RMST: variants seen among roughly 807,000 people sequenced by gnomAD.
RMST encodes long intergenic non-protein coding RNA 54.
chr12:97,478,650 G>T (rs1874844196), intron 5 of RMST, among the ~76,000 whole-genome samples: 1 of 152,124 alleles, frequency 6.6e-6, no homozygotes, highest in Non-Finnish European at 1.5e-5. Context: ...TTCATAGTGT[G>T]CCCATACACC....
chr12:97,542,283 T>A (rs1882600686), intron 11 of RMST, among the ~76,000 whole-genome samples: 1 of 151,866 alleles, frequency 6.6e-6, no homozygotes, highest in Non-Finnish European at 1.5e-5. Flanking sequence ...AGAACTACTC[T>A]ATTATCATTA....
At chr12:97,494,047 G>A (rs1047008037) in intron 8 of RMST, 1 of 152,148 alleles carries the variant, frequency 6.6e-6, no homozygotes, top group Non-Finnish European at 1.5e-5. Flanking sequence ...AGAAAATGTT[G>A]TATGCTAATG....
At chr12:97,501,842 G>A (rs1592500) in intron 10 of RMST, among the ~76,000 whole-genome samples, 87,921 of 152,114 alleles carry the variant, frequency 0.58, 26,819 homozygotes, top group Non-Finnish European at 0.7. Context: ...AATAGATGAC[G>A]CAAAAGTTGC....
intron 11 of RMST, among the ~76,000 whole-genome samples, chr12:97,540,206 C>G (rs1882395306): frequency 6.6e-6 from 1 of 151,604 alleles, no homozygotes; most frequent in African/African-American, 2.4e-5. Context: ...GTGGTGTGCA[C>G]ACAGTAGGGA....
At chr12:97,564,136 G>T in intron 13 of RMST, 1 of 302,984 alleles carries the variant, frequency 3.3e-6, no homozygotes, top group South Asian at 3.1e-5. Context: ...ATTTTTCTCC[G>T]TTTTCTATTA....
At chr12:97,512,847 G>A (rs972278447) in intron 10 of RMST, among the ~76,000 whole-genome samples, 3 of 151,854 alleles carry the variant, frequency 2.0e-5, no homozygotes, top group African/African-American at 4.8e-5. Context: ...GCGGCGTGTC[G>A]GGGAGGCTCC....
intron 10 of RMST, among the ~76,000 whole-genome samples, chr12:97,515,688 G>T (rs1879852970): frequency 6.6e-6 from 1 of 151,996 alleles, no homozygotes; most frequent in African/African-American, 2.4e-5. Flanking sequence ...TTGTGCCATA[G>T]AACTTATGTA....
intron 8 of RMST, chr12:97,494,018 T>C (rs1877137523): frequency 6.6e-6 from 1 of 152,226 alleles, no homozygotes; most frequent in African/African-American, 2.4e-5. Flanking sequence ...AGATTTATTG[T>C]GAATTGGCTT....
intron 11 of RMST, among the ~76,000 whole-genome samples, chr12:97,551,561 T>C (rs1883314130): frequency 6.6e-6 from 1 of 152,210 alleles, no homozygotes; most frequent in Non-Finnish European, 1.5e-5. Flanking sequence ...GTATTCTGTT[T>C]GGCTTTCAAG....
intron 5 of RMST, among the ~76,000 whole-genome samples, chr12:97,478,137 T>G (rs1057131673): frequency 1.3e-5 from 2 of 152,220 alleles, no homozygotes; most frequent in Admixed American, 6.5e-5. Flanking sequence ...GGTATTGGGC[T>G]TTGAAAGGGA....
intron 11 of RMST, among the ~76,000 whole-genome samples, chr12:97,541,757 T>G (rs1882556460): frequency 6.6e-6 from 1 of 151,420 alleles, no homozygotes; most frequent in African/African-American, 2.4e-5. Context: ...AGAAGATTCT[T>G]CCTTTCCTTT....
intron 5 of RMST, among the ~76,000 whole-genome samples, chr12:97,484,188 C>A (rs961829982): frequency 6.6e-5 from 10 of 152,096 alleles, no homozygotes; most frequent in Non-Finnish European, 1.3e-4. Flanking sequence ...TCAGTTCTTA[C>A]AGTGATATAT....
At chr12:97,489,145 A>T (rs1876470178) in intron 5 of RMST, among the ~76,000 whole-genome samples, 1 of 152,188 alleles carries the variant, frequency 6.6e-6, no homozygotes, top group Admixed American at 6.6e-5. Context: ...ACCTTGCTGT[A>T]TAGGAAAAGC....
intron 5 of RMST, among the ~76,000 whole-genome samples, chr12:97,471,970 A>G (rs1455774137): frequency 1.3e-5 from 2 of 152,070 alleles, no homozygotes; most frequent in African/African-American, 4.8e-5. Flanking sequence ...TTGAACCTAC[A>G]AGCATAAAGG....
In RMST at chr12:97,548,538, A is replaced by G. The variant is rs148037756; in HGVS notation, n.1546-11999A>G. Among the ~76,000 whole-genome samples the G allele has an allele frequency of 2.0e-4, 31 of 152,146 alleles. No individual in the cohort carries two copies. The East Asian group carries it at 6.0e-3, about 29-fold the overall frequency. On this transcript the variant is annotated intron_variant and non_coding_transcript_variant, in intron 11 of 13. Coordinates refer to ENST00000640149, the Ensembl canonical transcript of RMST. ...TGGGCTATTTTAATTTCATTCATCA[A>G]TGTCTTATAGTTTTCAGTGTGTAGG...
intron 10 of RMST, among the ~76,000 whole-genome samples, chr12:97,514,931 G>T (rs1279289859): frequency 6.6e-6 from 1 of 152,148 alleles, no homozygotes; most frequent in African/African-American, 2.4e-5. Context: ...TACTTTGGAG[G>T]TGCTGGTTTT....
At chr12:97,526,916 A>G (rs2371722) in intron 10 of RMST, among the ~76,000 whole-genome samples, 130,404 of 152,078 alleles carry the variant, frequency 0.86, 56,712 homozygotes, top group African/African-American at 0.97. Flanking sequence ...CAGTCTTCAT[A>G]ATAGCACCAT....
chr12:97,475,206 A>G (rs1173567498), intron 5 of RMST, among the ~76,000 whole-genome samples: 1 of 152,100 alleles, frequency 6.6e-6, no homozygotes, highest in Non-Finnish European at 1.5e-5. Flanking sequence ...TTGATCAGTC[A>G]TGGTTTCAGC....
At chr12:97,546,993 T>A (rs530903362) in intron 11 of RMST, among the ~76,000 whole-genome samples, 32 of 152,008 alleles carry the variant, frequency 2.1e-4, no homozygotes, top group African/African-American at 7.7e-4. Context: ...TTTTTCTCTA[T>A]CTTTCTATGA....
Sources: allele counts gnomAD v4.1 joint callset (sites outside exome capture counted in the v4.1 genomes callset), GRCh38; gene constraint gnomAD v4.1.1; transcripts MANE v1.5; gene names NCBI Gene and HGNC (gene_info 2026-07-23, HGNC 2026-07-21).